PKNOX2: variants seen among roughly 807,000 people sequenced by gnomAD.
The protein encoded by PKNOX2 is PBX/knotted 1 homeobox 2, also known as homeobox protein PKNOX2.
A neutral mutation model predicts 53.1 loss-of-function variants in PKNOX2; 14 were observed. The ratio of observed to expected loss-of-function variants is 0.26; its 90% CI spans 0.17 to 0.41. PKNOX2 has a LOEUF of 0.41. Ranked by LOEUF, PKNOX2 falls within the 10% of genes least tolerant of loss-of-function variation. The pLI is 1.00. For missense variants in PKNOX2, 496 were observed against 602.8 expected (o/e 0.82, Z 1.85); for synonymous variants, 257 against 242.8 (o/e 1.06, Z -0.54).
chr11:125,169,530 T>C (rs1955128897), intron 1 of PKNOX2, among the ~76,000 whole-genome samples: 1 of 152,176 alleles, frequency 6.6e-6, no homozygotes, highest in South Asian at 2.1e-4. Flanking sequence ...GGCTGAAATT[T>C]AGTGGCCTGG....
intron 2 of PKNOX2, among the ~76,000 whole-genome samples, chr11:125,295,596 A>C (rs1234467849): frequency 4.6e-5 from 7 of 152,130 alleles, no homozygotes; most frequent in Non-Finnish European, 8.8e-5. Context: ...GAGAGGAGGG[A>C]AGCAGCAAGG....
chr11:125,413,588 A>G (rs571150758), intron 10 of PKNOX2, among the ~76,000 whole-genome samples: 163 of 152,302 alleles, frequency 1.1e-3, no homozygotes, highest in African/African-American at 3.9e-3. Flanking sequence ...GCAGGGTCAC[A>G]GGGGTGCTAG....
intron 2 of PKNOX2, among the ~76,000 whole-genome samples, chr11:125,304,265 G>A (rs1344124311): frequency 6.6e-6 from 1 of 152,242 alleles, no homozygotes; most frequent in African/African-American, 2.4e-5. Flanking sequence ...CTGAAAAGAC[G>A]TTCCATTCCC....
chr11:125,265,745 T>G (rs1945282754), intron 2 of PKNOX2, among the ~76,000 whole-genome samples: 1 of 152,094 alleles, frequency 6.6e-6, no homozygotes, highest in South Asian at 2.1e-4. Context: ...GCTTTTCTGC[T>G]TCACAGGGTT....
At chr11:125,284,673 G>A (rs1030241068) in intron 2 of PKNOX2, among the ~76,000 whole-genome samples, 2 of 152,154 alleles carry the variant, frequency 1.3e-5, no homozygotes, top group African/African-American at 4.8e-5. Context: ...GCTACCGAGT[G>A]CTTGAGCGCA....
At chr11:125,274,895 G>A (rs971721159) in intron 2 of PKNOX2, among the ~76,000 whole-genome samples, 11 of 152,202 alleles carry the variant, frequency 7.2e-5, no homozygotes, top group South Asian at 2.1e-4. Context: ...TATGAGCCTG[G>A]TGTGGCAGCA....
intron 3 of PKNOX2, among the ~76,000 whole-genome samples, chr11:125,335,757 G>A (rs1276885579): frequency 6.6e-6 from 1 of 152,178 alleles, no homozygotes; most frequent in East Asian, 1.9e-4. Context: ...GGTTGAGGCT[G>A]CAGTGAGCTA....
chr11:125,423,473 C>G (rs943242927), intron 10 of PKNOX2, among the ~76,000 whole-genome samples: 1 of 152,196 alleles, frequency 6.6e-6, no homozygotes, highest in Non-Finnish European at 1.5e-5. Flanking sequence ...ATGCTTTCCC[C>G]ACTCACCTTT....
chr11:125,241,700 C>G (rs569926162), intron 2 of PKNOX2, among the ~76,000 whole-genome samples: 1 of 152,070 alleles, frequency 6.6e-6, no homozygotes, highest in Non-Finnish European at 1.5e-5. Context: ...ACTAAAAATA[C>G]GAAAATTAGC....
At chr11:125,287,142 C>T (rs1161743387) in intron 2 of PKNOX2, among the ~76,000 whole-genome samples, 1 of 152,112 alleles carries the variant, frequency 6.6e-6, no homozygotes, top group Admixed American at 6.5e-5. Context: ...ATTTTATTAT[C>T]CCCATTTTGT....
At chr11:125,355,842 A>AC (rs1951577980) in intron 4 of PKNOX2, among the ~76,000 whole-genome samples, 1 of 152,084 alleles carries the variant, frequency 6.6e-6, no homozygotes, top group Non-Finnish European at 1.5e-5. Context: ...AATACCTCTC[A>AC]TTCATGTACT....
intron 7 of PKNOX2, among the ~76,000 whole-genome samples, chr11:125,404,634 A>C (rs568150121): frequency 4.6e-5 from 7 of 151,542 alleles, no homozygotes; most frequent in African/African-American, 1.5e-4. Flanking sequence ...ACACACACAC[A>C]AACACACACA....
chr11:125,345,045 T>A (rs1950897771), intron 3 of PKNOX2, among the ~76,000 whole-genome samples: 1 of 151,940 alleles, frequency 6.6e-6, no homozygotes, highest in African/African-American at 2.4e-5. Flanking sequence ...TTTCCCCCCA[T>A]CAGCCTAGGA....
At chr11:125,379,416 C>A (rs1953082167) in intron 5 of PKNOX2, among the ~76,000 whole-genome samples, 1 of 152,142 alleles carries the variant, frequency 6.6e-6, no homozygotes, top group South Asian at 2.1e-4. Flanking sequence ...TTAGCCACAG[C>A]CACATAGGGG....
rs572810784 is a variant in PKNOX2, at chr11:125,396,469, C to T, written c.400-1405C>T. Among the ~76,000 whole-genome samples, 13 of 151,964 alleles carry T rather than the reference C, an allele frequency of 8.6e-5. No individual in the cohort carries two copies. The East Asian group carries it at 2.3e-3, about 27-fold the overall frequency. On this transcript the variant is annotated intron_variant, in intron 6 of 12. Coordinates refer to ENST00000298282, the MANE Select transcript of PKNOX2 (RefSeq NM_001382323.2). ...AATTATTCTAGCACCATTTGAACAACCCCCTGTTGAAAAGCAATTTGGCAA... is the reference window on the plus strand; with the variant it reads ...AATTATTCTAGCACCATTTGAACAATCCCCTGTTGAAAAGCAATTTGGCAA...
intron 1 of PKNOX2, among the ~76,000 whole-genome samples, chr11:125,184,884 C>T (rs77920375): frequency 0.036 from 5,524 of 152,258 alleles, 136 homozygotes; most frequent in Non-Finnish European, 0.054. Flanking sequence ...TGCTTGAAAC[C>T]AGAAACAAAC....
At chr11:125,353,126 A>G (rs1462016075) in intron 4 of PKNOX2, among the ~76,000 whole-genome samples, 1 of 152,194 alleles carries the variant, frequency 6.6e-6, no homozygotes, top group Non-Finnish European at 1.5e-5. Flanking sequence ...CGTGGGCTCC[A>G]CTTGTTTTGT....
chr11:125,242,294 A>G lies in PKNOX2; in HGVS notation c.-130+7179A>G, dbSNP rs559580434. ...GGGCCCACTGGGGAACCCCAGGAGC[A>G]TCTCCCTGTAGGGAGGTAAAAGCTC... On this transcript the variant is annotated intron_variant, in intron 2 of 12. Coordinates refer to ENST00000298282, the MANE Select transcript of PKNOX2 (RefSeq NM_001382323.2). Among the ~76,000 whole-genome samples the G allele has an allele frequency of 7.2e-5, 11 of 152,248 alleles. No individual in the cohort carries two copies. In the East Asian group the frequency reaches 7.7e-4, roughly 11 times the overall value.
intron 1 of PKNOX2, among the ~76,000 whole-genome samples, chr11:125,170,224 T>C (rs1955181153): frequency 6.6e-6 from 1 of 152,242 alleles, no homozygotes; most frequent in African/African-American, 2.4e-5. Flanking sequence ...TGTGCGCTCG[T>C]AGACTCCTTC....
Sources: gnomAD v4.1 joint callset for allele counts (sites outside exome capture counted in the v4.1 genomes callset) on GRCh38, gnomAD v4.1.1 for gene constraint, MANE v1.5 for transcripts, NCBI Gene and HGNC (gene_info 2026-07-23, HGNC 2026-07-21) for gene names.